The following PHF14 variants were observed in gnomAD, a reference collection of about 807,000 sequenced individuals.
The protein encoded by PHF14 is PHD finger protein 14.
Under a neutral mutation model 117.9 loss-of-function variants are expected in PHF14, and 55 were observed. The observed-to-expected ratio is 0.47, with a 90% CI of 0.38 to 0.58. The LOEUF is 0.58. PHF14 is among the 20% of genes least tolerant of loss of function. The pLI, the probability that PHF14 is intolerant of heterozygous loss-of-function variation, is 0.00. For synonymous variants in PHF14, 409 were observed against 368.6 expected (o/e 1.11, Z -1.26); for missense variants, 978 against 1,122.2 (o/e 0.87, Z 1.84).
At chr7:11,158,203 T>G (rs1327931833) in intron 17 of PHF14, among the ~76,000 whole-genome samples, 1 of 152,178 alleles carries the variant, frequency 6.6e-6, no homozygotes, top group African/African-American at 2.4e-5. Context: ...CATTTTGTCA[T>G]TATGTCTCCT....
chr7:11,088,731 C>T lies in PHF14; in HGVS notation c.2655-22619C>T, dbSNP rs1428942591. ...CTATAGTTATAGTAGGAAAATTATT[C>T]CCACCGTAAATATATAACTCCCCAA... On this transcript the variant is annotated intron_variant, in intron 16 of 17. Coordinates refer to ENST00000634607, the MANE Select transcript of PHF14 (RefSeq NM_001007157.2). Among the ~76,000 whole-genome samples the T allele has an allele frequency of 2.0e-5, 3 of 151,946 alleles. No individual in the cohort carries two copies. The South Asian group carries it at 6.3e-4, about 32-fold the overall frequency.
chr7:10,988,023 A>AT (rs1782287239), intron 3 of PHF14, among the ~76,000 whole-genome samples: 1 of 151,400 alleles, frequency 6.6e-6, no homozygotes, highest in Non-Finnish European at 1.5e-5. Flanking sequence ...TCTCAAAAAA[A>AT]AAAAAAAAAG....
chr7:11,145,374 C>G (rs1788517195), intron 17 of PHF14, among the ~76,000 whole-genome samples: 1 of 152,056 alleles, frequency 6.6e-6, no homozygotes, highest in Admixed American at 6.6e-5. Flanking sequence ...ATATATCCTT[C>G]ATATCTGAAA....
At chr7:11,075,585 T>A (rs867437125) in intron 16 of PHF14, among the ~76,000 whole-genome samples, 15,247 of 119,908 alleles carry the variant, frequency 0.13, 874 homozygotes, top group African/African-American at 0.2. Flanking sequence ...TTTTTTTTTT[T>A]TTTTTATTAT....
At chr7:11,167,094 G>C (rs1045315091) in intron 17 of PHF14, among the ~76,000 whole-genome samples, 5 of 152,098 alleles carry the variant, frequency 3.3e-5, no homozygotes, top group African/African-American at 1.2e-4. Flanking sequence ...TGAAAATAAA[G>C]TATATAAGTA....
chr7:11,121,560 C>G (rs147731600), intron 17 of PHF14, among the ~76,000 whole-genome samples: 1 of 152,034 alleles, frequency 6.6e-6, no homozygotes, highest in Admixed American at 6.6e-5. Context: ...AAGGAAATAT[C>G]TTATGGCTTC....
intron 13 of PHF14, among the ~76,000 whole-genome samples, chr7:11,049,349 C>A (rs1483114670): frequency 6.6e-6 from 1 of 151,946 alleles, no homozygotes; most frequent in Non-Finnish European, 1.5e-5. Context: ...GTGGCACACA[C>A]CTGTAGTCCC....
At chr7:11,167,706 G>T (rs1033095642) in intron 17 of PHF14, among the ~76,000 whole-genome samples, 3 of 152,234 alleles carry the variant, frequency 2.0e-5, no homozygotes, top group African/African-American at 7.2e-5. Context: ...TGTAGAGTAA[G>T]ATTTACTTTT....
rs1467823554 is a variant in PHF14, at chr7:11,105,635, C to CTT, written c.2655-5713_2655-5712dup. 4 of 984,400 alleles carry CTT rather than the reference C, an allele frequency of 4.1e-6. No homozygotes were observed. The Admixed American group carries it at 2.5e-4, about 61-fold the overall frequency. The allele number at this position is 984,400 out of a possible 1,614,324, so 61.0% of individuals were successfully genotyped here. On this transcript the variant is annotated intron_variant, in intron 16 of 17. Coordinates refer to ENST00000634607, the MANE Select transcript of PHF14 (RefSeq NM_001007157.2). ...TTTTTTCTACCTGTCTGAATCAGCACTTTGTAAGTTTACATAAAATTAAGG... is the reference window on the plus strand; with the variant it reads ...TTTTTTCTACCTGTCTGAATCAGCACTTTTTGTAAGTTTACATAAAATTAAGG...
At chr7:11,084,191 T>C (rs1042171104) in intron 16 of PHF14, among the ~76,000 whole-genome samples, 1 of 152,112 alleles carries the variant, frequency 6.6e-6, no homozygotes, top group Admixed American at 6.5e-5. Context: ...AACTTAAACT[T>C]CAAAATATGT....
At chr7:11,105,703 A>G (rs1787235968) in intron 16 of PHF14, 3 of 984,652 alleles carry the variant, frequency 3.0e-6, no homozygotes, top group Non-Finnish European at 3.6e-6. Context: ...ATATTTCTCT[A>G]TAAAAGTGGA....
Position 10,974,226 on chromosome 7 carries a change from G to A in PHF14, c.-98G>A. On this transcript the variant is annotated 5_prime_UTR_variant, in exon 1 of 18. Transcript: ENST00000634607. ...CGCCGGTTTTAAATAGCATCTTTCGGACTTGTCTTCGCGGCCCCAGTCCCC... is the reference window on the plus strand; with the variant it reads ...CGCCGGTTTTAAATAGCATCTTTCGAACTTGTCTTCGCGGCCCCAGTCCCC... The A allele has an allele frequency of 9.6e-7, 1 of 1,043,350 alleles. No homozygotes were observed. The highest frequency in any genetic ancestry group is 1.3e-5 in the South Asian group (1 of 74,146). 64.6% of individuals were successfully genotyped at this position (1,043,350 alleles called of 1,614,324 possible). A position where few individuals can be genotyped will look rare whatever the true frequency, so the allele number is the denominator to read the frequency against.
intron 16 of PHF14, among the ~76,000 whole-genome samples, chr7:11,096,973 C>CTTTTT (rs899756252): frequency 3.0e-4 from 33 of 108,568 alleles, no homozygotes; most frequent in Non-Finnish European, 4.3e-4. Flanking sequence ...TAGACTAGAA[C>CTTTTT]TTTTTTTTTT....
At chr7:11,040,179 T>C (rs539535873) in intron 11 of PHF14, among the ~76,000 whole-genome samples, 385 of 152,156 alleles carry the variant, frequency 2.5e-3, no homozygotes, top group Non-Finnish European at 3.7e-3. Context: ...AGAAATGACT[T>C]TGATAGATGG....
At chr7:11,025,621 G>A (rs142813056) in intron 6 of PHF14, among the ~76,000 whole-genome samples, 1,797 of 151,622 alleles carry the variant, frequency 0.012, 40 homozygotes, top group African/African-American at 0.041. Context: ...GTGAAACCCC[G>A]TCTCTCCTAA....
At chr7:11,168,047 G>A (rs181941042) in intron 17 of PHF14, among the ~76,000 whole-genome samples, 2 of 150,842 alleles carry the variant, frequency 1.3e-5, no homozygotes, top group Non-Finnish European at 3.0e-5. Flanking sequence ...AATGTCATCT[G>A]TAGGAACTTT....
chr7:11,107,975 T>C (rs1787326556), intron 16 of PHF14: 1 of 152,288 alleles, frequency 6.6e-6, no homozygotes, highest in Non-Finnish European at 1.5e-5. Flanking sequence ...TGGTCTAAAT[T>C]TGCAACATAG....
At chr7:11,152,537 C>T (rs1472834744) in intron 17 of PHF14, among the ~76,000 whole-genome samples, 1 of 151,890 alleles carries the variant, frequency 6.6e-6, no homozygotes, top group Non-Finnish European at 1.5e-5. Context: ...TACTTGATTC[C>T]CATGCTTCTA....
chr7:11,046,996 G>A (rs1445052491), intron 13 of PHF14, among the ~76,000 whole-genome samples: 2 of 151,596 alleles, frequency 1.3e-5, no homozygotes, highest in East Asian at 1.9e-4. Flanking sequence ...TTGCATTATT[G>A]CATTTAAAGA....
Sources: allele counts gnomAD v4.1 joint callset (sites outside exome capture counted in the v4.1 genomes callset), GRCh38; gene constraint gnomAD v4.1.1; transcripts MANE v1.5; gene names NCBI Gene and HGNC (gene_info 2026-07-23, HGNC 2026-07-21).